ENO2: variants seen among roughly 807,000 people sequenced by gnomAD.
The protein encoded by ENO2 is gamma-enolase.
A neutral mutation model predicts 48.7 loss-of-function variants in ENO2; 19 were observed. That is an observed-to-expected ratio of 0.39 (90% confidence interval 0.27 to 0.57). ENO2 has a LOEUF of 0.57. Among genes scored for constraint, ENO2 ranks in the 20% least tolerant of loss-of-function variants. ENO2 has a pLI of 0.58. For missense variants in ENO2, 416 were observed against 555.0 expected (o/e 0.75, Z 2.52); for synonymous variants, 198 against 213.4 (o/e 0.93, Z 0.63).
intron 8 of ENO2, 161 bp from the exon 9 acceptor site, chr12:6,921,420 A>C: frequency 1.5e-6 from 1 of 670,642 alleles, no homozygotes; most frequent in Non-Finnish European, 2.5e-6. Context: ...AGAATCAGTT[A>C]GGGCAGGCTT....
chr12:6,918,807 C>T (rs1343434176), intron 7 of ENO2, among the ~76,000 whole-genome samples: 1 of 150,944 alleles, frequency 6.6e-6, no homozygotes, highest in African/African-American at 2.4e-5. Flanking sequence ...CAAGGTGAAA[C>T]CCCGTCTCTA....
At position 6,922,296 on chromosome 12, in the gene ENO2, G is replaced by A. The variant is rs781835005; in HGVS notation, c.1177-48G>A. 2.5e-6 allele frequency: 4 copies of A among 1,613,648 alleles called. No individual in the cohort carries two copies. In the Admixed American group the frequency reaches 5.0e-5, roughly 20 times the overall value. On this transcript the variant is annotated intron_variant, in intron 10 of 11. Coordinates refer to ENST00000229277, the MANE Select transcript of ENO2 (RefSeq NM_001975.3). The surrounding 1 kb of genome is among the most constrained non-coding windows in gnomAD (Gnocchi z 5.3). The stretch of plus-strand genomic sequence containing the variant: ...TCAGGAGAGCAGAAGTTTCCTTTCA[G>A]GGGTGAGAGGGCAGTCACTGAGCTG...
At position 6,916,538 on chromosome 12, in the gene ENO2, TC is replaced by T. The variant is rs782495302; in HGVS notation, c.181+27del. On this transcript the variant is annotated intron_variant, in intron 3 of 11. Coordinates refer to ENST00000229277, the MANE Select transcript of ENO2 (RefSeq NM_001975.3). This position sits in a 1 kb window ranked among gnomAD's most constrained non-coding sequence, Gnocchi z 4.5. Reference sequence around the variant, plus strand: ...GTGAGGTCCCTTCTCTTTTCCAGACTCTCCCCCACCTCAGCCTTATGCCCCT... The same window carrying T: ...GTGAGGTCCCTTCTCTTTTCCAGACTTCCCCCACCTCAGCCTTATGCCCCT... 1.3e-5 allele frequency: 21 copies of T among 1,613,160 alleles called. No homozygotes were observed. The African/African-American group carries it at 2.8e-4, about 22-fold the overall frequency.
Position 6,921,802 on chromosome 12 carries a change from C to T in ENO2, c.1067+20C>T. Reference sequence around the variant, plus strand: ...CCAAGCGTGAGTGACTTCTGGCCCTCTCCTGTGTGGTCCTCGTTTCTATAA... The same window carrying T: ...CCAAGCGTGAGTGACTTCTGGCCCTTTCCTGTGTGGTCCTCGTTTCTATAA... On this transcript the variant is annotated intron_variant, in intron 9 of 11. Coordinates refer to ENST00000229277, the MANE Select transcript of ENO2 (RefSeq NM_001975.3). The T allele has an allele frequency of 6.2e-7, 1 of 1,613,086 alleles. No individual in the cohort carries two copies. The highest frequency in any genetic ancestry group is 8.5e-7 in the Non-Finnish European group (1 of 1,179,368).
chr12:6,914,642 T>G lies in ENO2; in HGVS notation c.-30T>G, dbSNP rs1011507631. ...CACCGCCACCGCCACTACCACCGTC[T>G]GAGTCTGCAGTCCCGAGGTGAAGCC... On this transcript the variant is annotated 5_prime_UTR_variant, in exon 1 of 12. Coordinates refer to ENST00000229277, the MANE Select transcript of ENO2 (RefSeq NM_001975.3). This position sits in a 1 kb window ranked among gnomAD's most constrained non-coding sequence, Gnocchi z 7.1. 1.2e-5 allele frequency: 2 copies of G among 163,830 alleles called. No individual in the cohort carries two copies. The highest frequency in any genetic ancestry group is 2.6e-5 in the Non-Finnish European group (2 of 75,632). 10.1% of individuals were successfully genotyped at this position (163,830 alleles called of 1,614,324 possible).
In ENO2 at chr12:6,922,748, G is replaced by C; in HGVS notation, c.1253G>C (p.Gly418Ala). ...NQLMRIEEEL[G>A]DEARFAGHNF... The stretch of plus-strand genomic sequence containing the variant: ...TCTCTCAGAATTGAGGAAGAGCTGG[G>C]GGATGAAGCTCGCTTTGCCGGACAT... The change falls in exon 12 of 12, where the codon GGG becomes GCG. Residue 418 changes from glycine (G) to alanine (A), a missense_variant. Gly to Ala is a moderately conservative substitution (Grantham distance 60, BLOSUM62 0). Transcript: ENST00000229277. This position sits in a 1 kb window ranked among gnomAD's most constrained non-coding sequence, Gnocchi z 5.3. 6.2e-7 allele frequency: 1 copy of C among 1,614,118 alleles called. No homozygotes were observed. Among genetic ancestry groups the C allele is most frequent in the South Asian group, 1.1e-5 (1 of 91,076 alleles).
rs1168514218 is a variant in ENO2, at chr12:6,916,800, A to C, written c.240+71A>C. The C allele has an allele frequency of 6.3e-7, 1 of 1,588,592 alleles. No homozygotes were observed. The highest frequency in any genetic ancestry group is 1.3e-5 in the African/African-American group (1 of 74,304). On this transcript the variant is annotated intron_variant, in intron 4 of 11. Coordinates refer to ENST00000229277, the MANE Select transcript of ENO2 (RefSeq NM_001975.3). The surrounding 1 kb of genome is among the most constrained non-coding windows in gnomAD (Gnocchi z 4.5). ...AGGAATCCCGGAGCAGGGCAGGAGG[A>C]AGGGAAGAAAGAAGGCCCACTCTTA...
Position 6,922,173 on chromosome 12 carries a change from G to C in ENO2, c.1176+9G>C, listed in dbSNP as rs782730997. 1 of 1,612,984 alleles carries C rather than the reference G, an allele frequency of 6.2e-7. No homozygotes were observed. The highest frequency in any genetic ancestry group is 8.5e-7 in the Non-Finnish European group (1 of 1,179,148). On this transcript the variant is annotated intron_variant, in intron 10 of 11. Coordinates refer to ENST00000229277, the MANE Select transcript of ENO2 (RefSeq NM_001975.3). This position sits in a 1 kb window ranked among gnomAD's most constrained non-coding sequence, Gnocchi z 5.3. ...GGCTGTGCACAGGCCAGGTGAGTGAGGCAGCCTGGTGAGTGAAGAGAACTC... is the reference window on the plus strand; with the variant it reads ...GGCTGTGCACAGGCCAGGTGAGTGACGCAGCCTGGTGAGTGAAGAGAACTC...
Position 6,922,676 on chromosome 12 carries a change from GA to G in ENO2, c.1236-53del. 6.2e-7 allele frequency: 1 copy of G among 1,605,918 alleles called. No homozygotes were observed. The highest frequency in any genetic ancestry group is 1.3e-5 in the African/African-American group (1 of 74,860). On this transcript the variant is annotated intron_variant, in intron 11 of 11. Transcript: ENST00000229277. This position sits in a 1 kb window ranked among gnomAD's most constrained non-coding sequence, Gnocchi z 5.3. ...GGAGTCTGGGGGACCCCTAGAGAGA[GA>G]AGCAGGATCCTCCTGCATCCCTGAC...
intron 5 of ENO2, 182 bp from the exon 6 acceptor site, chr12:6,917,399 C>T (rs1945301568): frequency 2.3e-6 from 2 of 864,164 alleles, no homozygotes. Flanking sequence ...CAATCTCCTC[C>T]TCCCCACCCA....
chr12:6,921,849 A>G, intron 9 of ENO2, 67 bp downstream of exon 9: 6 of 1,586,792 alleles, frequency 3.8e-6, no homozygotes, highest in Non-Finnish European at 5.2e-6. Context: ...CAAGTGCTCC[A>G]GCCTAATTCT....
rs1565558271 is a variant in ENO2, at chr12:6,917,127, A to C, written c.310+20A>C. ...ACAAATGTGAGCCGGGGCCGGGAGA[A>C]AGTGGGGAAGCGTCAGGGTGGGGAG... On this transcript the variant is annotated intron_variant, in intron 5 of 11. Transcript: ENST00000229277. The C allele has an allele frequency of 6.2e-7, 1 of 1,613,732 alleles. No homozygotes were observed. Among genetic ancestry groups the C allele is most frequent in the Non-Finnish European group, 8.5e-7 (1 of 1,179,942 alleles).
At chr12:6,920,942 A>C (rs1224911645) in intron 8 of ENO2, among the ~76,000 whole-genome samples, 1 of 151,470 alleles carries the variant, frequency 6.6e-6, no homozygotes, top group African/African-American at 2.4e-5. Context: ...GTGCACCACC[A>C]TGCCTGGCTA....
intron 6 of ENO2, 41 bp downstream of exon 6, chr12:6,917,755 G>T (rs2071418): frequency 5.8e-6 from 9 of 1,564,594 alleles, no homozygotes; most frequent in East Asian, 2.2e-5. Flanking sequence ...AGGGGCGGGT[G>T]GGGGAGGGAG....
chr12:6,915,628 T>C, intron 1 of ENO2, 193 bp from the exon 2 acceptor site: 1 of 575,794 alleles, frequency 1.7e-6, no homozygotes, highest in Non-Finnish European at 3.1e-6. Context: ...TGCATTGACC[T>C]TCTCCTCTTC....
Position 6,917,727 on chromosome 12 carries a change from C to T in ENO2, c.444+13C>T. 22 of 1,467,246 alleles carry T rather than the reference C, an allele frequency of 1.5e-5. No homozygotes were observed. Among genetic ancestry groups the T allele is most frequent in the Non-Finnish European group, 2.0e-5 (22 of 1,114,444 alleles). 90.9% of individuals were successfully genotyped at this position (1,467,246 alleles called of 1,614,324 possible). A position where few individuals can be genotyped will look rare whatever the true frequency, so the allele number is the denominator to read the frequency against. On this transcript the variant is annotated intron_variant, in intron 6 of 11. Transcript: ENST00000229277. Reference sequence around the variant, plus strand: ...CCTGCCTGTGCCGGTGAGCAATAAGCCAGCCTGCGGCTCTCCCAGGGGCGG... The same window carrying T: ...CCTGCCTGTGCCGGTGAGCAATAAGTCAGCCTGCGGCTCTCCCAGGGGCGG...
At position 6,923,078 on chromosome 12, in the gene ENO2, T is replaced by C. The variant is rs1945356660; in HGVS notation, c.*278T>C. The C allele has an allele frequency of 2.4e-6, 1 of 412,776 alleles. No individual in the cohort carries two copies. Among genetic ancestry groups the C allele is most frequent in the East Asian group, 4.6e-5 (1 of 21,794 alleles). 25.6% of individuals were successfully genotyped at this position (412,776 alleles called of 1,614,324 possible). A position where few individuals can be genotyped will look rare whatever the true frequency, so the allele number is the denominator to read the frequency against. Reference sequence around the variant, plus strand: ...CTAGAAATGTGAATGAGGATTATTATAAAAGGGGGTCCGTGGAAGAATGAT... The same window carrying C: ...CTAGAAATGTGAATGAGGATTATTACAAAAGGGGGTCCGTGGAAGAATGAT... On this transcript the variant is annotated 3_prime_UTR_variant, in exon 12 of 12. Coordinates refer to ENST00000229277, the MANE Select transcript of ENO2 (RefSeq NM_001975.3).
chr12:6,921,551 T>TC (rs781818980), intron 8 of ENO2, 30 bp from the exon 9 acceptor site: 6 of 1,609,694 alleles, frequency 3.7e-6, no homozygotes, highest in Non-Finnish European at 5.1e-6. Context: ...GATGAACACC[T>TC]CCCCCCTCCC....
In ENO2 at chr12:6,918,977, G is replaced by A. The variant is rs781994440; in HGVS notation, c.668-589G>A. On this transcript the variant is annotated intron_variant, in intron 7 of 11. Coordinates refer to ENST00000229277, the MANE Select transcript of ENO2 (RefSeq NM_001975.3). ...AGCCTGGGCAACAGAGCGAGACTCC[G>A]TCTCAAAAAAAAAAAAAAAAAAAAA... Among the ~76,000 whole-genome samples the A allele has an allele frequency of 4.3e-4, 48 of 112,292 alleles. 1 individual carries two copies. The highest frequency in any genetic ancestry group is 8.9e-3 in the Middle Eastern group (2 of 224). 73.7% of individuals were successfully genotyped at this position (112,292 alleles called of 152,430 possible). A position where few individuals can be genotyped will look rare whatever the true frequency, so the allele number is the denominator to read the frequency against.
Sources: allele counts gnomAD v4.1 joint callset (sites outside exome capture counted in the v4.1 genomes callset), GRCh38; gene constraint gnomAD v4.1.1; non-coding constraint Gnocchi (gnomAD v3.1); transcripts MANE v1.5; gene names NCBI Gene and HGNC (gene_info 2026-07-23, HGNC 2026-07-21).